Variants in FAM53B observed in about 807,000 individuals in gnomAD.
FAM53B encodes family with sequence similarity 53 member B.
In FAM53B, 12 loss-of-function variants were observed where a neutral mutation model predicts 32.7. That is an observed-to-expected ratio of 0.37 (90% CI 0.24 to 0.59). FAM53B has a LOEUF of 0.59. Among genes scored for constraint, FAM53B ranks in the 20% least tolerant of loss-of-function variants. FAM53B has a pLI of 0.72. For missense variants in FAM53B, 477 were observed against 577.7 expected, an observed-to-expected ratio of 0.83 and a Z score of 1.79; for synonymous variants, 234 against 228.7, an observed-to-expected ratio of 1.02 and a Z score of -0.21.
intron 2 of FAM53B, among the ~76,000 whole-genome samples, chr10:124,705,285 G>A (rs1046326327): frequency 6.6e-6 from 1 of 150,858 alleles, no homozygotes; most frequent in African/African-American, 2.4e-5. Flanking sequence ...GGCCCAGGAA[G>A]TGGGGCTAGA....
At chr10:124,740,142 C>A (rs765587824) in intron 1 of FAM53B, among the ~76,000 whole-genome samples, 1 of 152,180 alleles carries the variant, frequency 6.6e-6, no homozygotes, top group Non-Finnish European at 1.5e-5. Context: ...CTAGCCAGCA[C>A]AGCACTCTGT....
At position 124,701,509 on chromosome 10, in the gene FAM53B, G is replaced by A. The variant is rs115156762; in HGVS notation, c.78+5127C>T. Among the ~76,000 whole-genome samples, 351 of 152,338 alleles carry A rather than the reference G, an allele frequency of 2.3e-3. 3 individuals carry two copies. The highest frequency in any genetic ancestry group is 7.6e-3 in the African/African-American group (317 of 41,584). ...GAGGATGGGCTGCAGAAAGAAGAGC[G>A]GGCCTGGCCAAGGGAGGTGGTCACT... On this transcript the variant is annotated intron_variant, in intron 2 of 4. Coordinates refer to ENST00000337318, the MANE Select transcript of FAM53B (RefSeq NM_014661.4).
intron 4 of FAM53B, among the ~76,000 whole-genome samples, chr10:124,641,241 CATGTTGCAGTTTCT>C (rs1949470422): frequency 6.6e-6 from 1 of 152,236 alleles, no homozygotes; most frequent in Non-Finnish European, 1.5e-5. Context: ...TTCACTTCAA[CATGTTGCAGTTTCT>C]ACAGTGACCA....
At position 124,679,153 on chromosome 10, in the gene FAM53B, G is replaced by A. The variant is rs139206186; in HGVS notation, c.906+2454C>T. On this transcript the variant is annotated intron_variant, in intron 4 of 4. Transcript: ENST00000337318. ...AAGCCAGAGCCCAGCGGAAGGAAGCGTGGGCCACACCTGGGTACCAGCCTA... is the reference window on the plus strand; with the variant it reads ...AAGCCAGAGCCCAGCGGAAGGAAGCATGGGCCACACCTGGGTACCAGCCTA... Among the ~76,000 whole-genome samples the A allele has an allele frequency of 6.6e-4, 101 of 152,286 alleles. 2 individuals carry two copies. The East Asian group carries it at 0.018, about 28-fold the overall frequency.
At chr10:124,693,836 A>T (rs1344296785) in intron 3 of FAM53B, among the ~76,000 whole-genome samples, 2 of 152,182 alleles carry the variant, frequency 1.3e-5, no homozygotes, top group Non-Finnish European at 2.9e-5. Context: ...TTTCTCCTCC[A>T]CCAGACAGAA....
At position 124,622,675 on chromosome 10, in the gene FAM53B, G is replaced by A. The variant is rs1317213245; in HGVS notation, c.*567C>T. On this transcript the variant is annotated 3_prime_UTR_variant, in exon 5 of 5. Transcript: ENST00000337318. ...CTCACATTGGAATTAAGGCCAAATG[G>A]TTCTGGTGTTACAGAAGGAAGCATC... 1 of 152,806 alleles carries A rather than the reference G, an allele frequency of 6.5e-6. No individual in the cohort carries two copies. The highest frequency in any genetic ancestry group is 1.5e-5 in the Non-Finnish European group (1 of 68,294). The allele number at this position is 152,806 out of a possible 1,614,324, so 9.5% of individuals were successfully genotyped here.
intron 1 of FAM53B, among the ~76,000 whole-genome samples, chr10:124,742,136 C>T (rs772798704): frequency 5.9e-5 from 9 of 152,140 alleles, no homozygotes; most frequent in Non-Finnish European, 1.2e-4. Flanking sequence ...AGCTTTTTAA[C>T]CTGAAAAAGC....
At chr10:124,648,045 C>A (rs1949530674) in intron 4 of FAM53B, among the ~76,000 whole-genome samples, 1 of 152,030 alleles carries the variant, frequency 6.6e-6, no homozygotes, top group African/African-American at 2.4e-5. Flanking sequence ...GGCCTCACCA[C>A]CCCCAGACTT....
At chr10:124,684,278 T>A (rs747968438) in intron 3 of FAM53B, among the ~76,000 whole-genome samples, 40 of 152,368 alleles carry the variant, frequency 2.6e-4, no homozygotes, top group Non-Finnish European at 4.7e-4. Flanking sequence ...ACATCGTTCA[T>A]CTCATCTCTG....
chr10:124,626,668 G>A (rs1291860905), intron 4 of FAM53B, among the ~76,000 whole-genome samples: 2 of 152,176 alleles, frequency 1.3e-5, no homozygotes, highest in African/African-American at 4.8e-5. Context: ...AGGCATCTTT[G>A]TCACAGCAGC....
rs566814756 is a variant in FAM53B at position 124,629,509 on chromosome 10, C to T, written c.907-5905G>A. 7.9e-5 allele frequency among the ~76,000 whole-genome samples: 12 copies of T among 152,260 alleles called. No individual in the cohort carries two copies. The South Asian group carries it at 1.9e-3, about 24-fold the overall frequency. ...ATCAACAAGCCCAACTCACAAGTCA[C>T]GAGCAGAGCTGGTCCCCAGCCTGGC... On this transcript the variant is annotated intron_variant, in intron 4 of 4. Transcript: ENST00000337318.
intron 4 of FAM53B, among the ~76,000 whole-genome samples, chr10:124,661,817 A>T (rs751122566): frequency 2.6e-5 from 4 of 152,268 alleles, no homozygotes; most frequent in African/African-American, 9.6e-5. Flanking sequence ...AGCCTGCTTC[A>T]TCCACAACAG....
At chr10:124,738,339 G>T (rs1241361504) in intron 1 of FAM53B, among the ~76,000 whole-genome samples, 1 of 151,866 alleles carries the variant, frequency 6.6e-6, no homozygotes, top group Non-Finnish European at 1.5e-5. Context: ...AATTGGGCCT[G>T]AATGCAGCCT....
chr10:124,677,356 C>T (rs1263095933), intron 4 of FAM53B, among the ~76,000 whole-genome samples: 1 of 152,230 alleles, frequency 6.6e-6, no homozygotes, highest in Non-Finnish European at 1.5e-5. Context: ...AAAAGGAAGG[C>T]TGCAGCCTCA....
At chr10:124,711,204 G>T (rs751738493) in intron 1 of FAM53B, among the ~76,000 whole-genome samples, 1 of 152,168 alleles carries the variant, frequency 6.6e-6, no homozygotes, top group African/African-American at 2.4e-5. Flanking sequence ...CAGAGTGAAA[G>T]AGCCAGTCCC....
Position 124,666,663 on chromosome 10 carries a change from C to T in FAM53B, c.906+14944G>A, listed in dbSNP as rs539122753. On this transcript the variant is annotated intron_variant, in intron 4 of 4. Coordinates refer to ENST00000337318, the MANE Select transcript of FAM53B (RefSeq NM_014661.4). ...ACCTCCCATCTCCCCAGCCCTGCCC[C>T]GGCCACACGCCAGGAACAGCAGGCT... Among the ~76,000 whole-genome samples the T allele has an allele frequency of 3.3e-4, 51 of 152,352 alleles. No homozygotes were observed. In the South Asian group the frequency reaches 9.9e-3, roughly 30 times the overall value.
intron 1 of FAM53B, among the ~76,000 whole-genome samples, chr10:124,715,565 C>A (rs927670556): frequency 7.2e-5 from 11 of 152,238 alleles, no homozygotes; most frequent in East Asian, 1.9e-4. Flanking sequence ...GGGAGCCCCC[C>A]CTCCACGTGT....
At chr10:124,643,423 G>A (rs955470275) in intron 4 of FAM53B, among the ~76,000 whole-genome samples, 4 of 152,360 alleles carry the variant, frequency 2.6e-5, no homozygotes, top group South Asian at 2.1e-4. Context: ...CGGTGATTGC[G>A]CCTGGCTCTT....
chr10:124,625,435 G>A (rs1198445364), intron 4 of FAM53B, among the ~76,000 whole-genome samples: 2 of 152,330 alleles, frequency 1.3e-5, no homozygotes, highest in South Asian at 2.1e-4. Context: ...CTGGGCCATG[G>A]TGGGATTCGA....
Sources: gnomAD v4.1 joint callset for allele counts (sites outside exome capture counted in the v4.1 genomes callset) on GRCh38, gnomAD v4.1.1 for gene constraint, MANE v1.5 for transcripts, NCBI Gene and HGNC (gene_info 2026-07-23, HGNC 2026-07-21) for gene names.